The following NSUN6 variants were observed in gnomAD, a reference collection of about 807,000 sequenced individuals.
NSUN6 encodes the protein tRNA (cytosine(72)-C(5))-methyltransferase NSUN6.
Under a neutral mutation model 58.0 loss-of-function variants are expected in NSUN6, and 64 were observed. The ratio of observed to expected loss-of-function variants is 1.10; its 90% CI spans 0.90 to 1.36. The LOEUF (loss-of-function observed/expected upper bound fraction) is 1.36, where lower values mean the gene tolerates loss of function less well. NSUN6 is among the 40% of genes most tolerant of loss of function. The pLI is 0.00. For synonymous variants in NSUN6, 231 were observed against 193.9 expected, an observed-to-expected ratio of 1.19 and a Z score of -1.59; for missense variants, 701 against 550.1, an observed-to-expected ratio of 1.27 and a Z score of -2.74.
chr10:18,650,486 A>G (rs1038295353), intron 1 of NSUN6, among the ~76,000 whole-genome samples: 4 of 152,244 alleles, frequency 2.6e-5, no homozygotes, highest in African/African-American at 4.8e-5. Context: ...TTCACAGAAG[A>G]GAAAAATCTA....
chr10:18,601,255 T>C (rs574027929), intron 6 of NSUN6, among the ~76,000 whole-genome samples: 2 of 152,104 alleles, frequency 1.3e-5, no homozygotes, highest in East Asian at 3.9e-4. Flanking sequence ...ATGCAGCTCA[T>C]GATTTGAGTA....
Position 18,642,514 on chromosome 10 carries a change from G to T in NSUN6, c.273C>A (p.Asp91Glu). 6.4e-7 allele frequency: 1 copy of T among 1,562,052 alleles called. No individual in the cohort carries two copies. Among genetic ancestry groups the T allele is most frequent in the Non-Finnish European group, 8.8e-7 (1 of 1,133,496 alleles). ...CAGGAATAAGTAACACATCTTGAAG[G>T]TCTGGATGTTGAAGAATAGGAACAC... ...GLSVPILQHP[D>E]LQDVLLIPVI... Residue 91 changes from aspartate (D) to glutamate (E), a missense_variant, in exon 3 of 11, where the codon GAC (aspartate) becomes GAA (glutamate). Physicochemically the swap from Asp to Glu is conservative, Grantham distance 45 (BLOSUM62 2). Coordinates refer to ENST00000377304, the MANE Select transcript of NSUN6 (RefSeq NM_182543.5).
Position 18,600,978 on chromosome 10 carries a change from GTA to G in NSUN6, c.658-4653_658-4652del, listed in dbSNP as rs56983139. On this transcript the variant is annotated intron_variant, in intron 6 of 10. Coordinates refer to ENST00000377304, the MANE Select transcript of NSUN6 (RefSeq NM_182543.5). ...TATATATACATATATATATATATAT[GTA>G]TATATATATATATTATATACTAGCT... 1.0e-4 allele frequency among the ~76,000 whole-genome samples: 8 copies of G among 76,994 alleles called. 1 individual carries two copies. The highest frequency in any genetic ancestry group is 1.3e-4 in the Non-Finnish European group (5 of 39,352). 50.5% of individuals were successfully genotyped at this position (76,994 alleles called of 152,430 possible). A position where few individuals can be genotyped will look rare whatever the true frequency, so the allele number is the denominator to read the frequency against.
At chr10:18,577,270 C>T (rs1235526350) in intron 8 of NSUN6, among the ~76,000 whole-genome samples, 1 of 152,182 alleles carries the variant, frequency 6.6e-6, no homozygotes, top group Non-Finnish European at 1.5e-5. Context: ...ACCACCGCCC[C>T]TGATGGAAAT....
chr10:18,632,622 A>C (rs375943982), intron 3 of NSUN6, among the ~76,000 whole-genome samples: 7 of 152,220 alleles, frequency 4.6e-5, no homozygotes, highest in Non-Finnish European at 1.0e-4. Flanking sequence ...TCTCAAAAGA[A>C]GACATTTATG....
At chr10:18,565,575 AT>A (rs1432401612) in intron 8 of NSUN6, among the ~76,000 whole-genome samples, 4 of 148,388 alleles carry the variant, frequency 2.7e-5, no homozygotes, top group Non-Finnish European at 6.0e-5. Flanking sequence ...TCCATTCTCC[AT>A]TCCATTCAGC....
chr10:18,656,911 T>G (rs1367712441), upstream of NSUN6, among the ~76,000 whole-genome samples: 2 of 149,084 alleles, frequency 1.3e-5, no homozygotes, highest in South Asian at 2.1e-4. Flanking sequence ...ACTGCAGTCT[T>G]GACCTCCTTG....
chr10:18,554,695 A>T (rs558971248), intron 8 of NSUN6, among the ~76,000 whole-genome samples: 13 of 151,610 alleles, frequency 8.6e-5, no homozygotes, highest in African/African-American at 2.7e-4. Flanking sequence ...TGCTGAATGG[A>T]ATGCAGAATG....
chr10:18,611,218 A>T (rs12778992), intron 5 of NSUN6, among the ~76,000 whole-genome samples: 32,784 of 151,946 alleles, frequency 0.22, 3,885 homozygotes, highest in South Asian at 0.35. Flanking sequence ...AATTTTTTTT[A>T]AAAATCATAA....
chr10:18,567,424 TCATTCCATGCTCCATTC>T (rs1187262482), intron 8 of NSUN6, among the ~76,000 whole-genome samples: 188 of 146,766 alleles, frequency 1.3e-3, no homozygotes, highest in Middle Eastern at 7.4e-3. Flanking sequence ...ATGCTCCATT[TCATTCCATGCTCCATTC>T]CATTCCATGC....
chr10:18,603,105 C>G (rs1357489809), intron 6 of NSUN6, among the ~76,000 whole-genome samples: 1 of 152,068 alleles, frequency 6.6e-6, no homozygotes, highest in Non-Finnish European at 1.5e-5. Flanking sequence ...CCAGCCTGGC[C>G]AACATGGCAA....
intron 3 of NSUN6, among the ~76,000 whole-genome samples, chr10:18,627,814 G>C (rs190501637): frequency 4.6e-5 from 7 of 152,256 alleles, no homozygotes; most frequent in African/African-American, 1.7e-4. Flanking sequence ...ACTGTAAGGC[G>C]GCAGCCAGGC....
chr10:18,552,410 G>A (rs540258031), intron 8 of NSUN6, among the ~76,000 whole-genome samples: 1 of 152,168 alleles, frequency 6.6e-6, no homozygotes, highest in Admixed American at 6.6e-5. Context: ...TTGTTTCTGT[G>A]GCCATGAGAA....
chr10:18,629,298 T>C (rs548056562), intron 3 of NSUN6, among the ~76,000 whole-genome samples: 1 of 152,026 alleles, frequency 6.6e-6, no homozygotes, highest in East Asian at 1.9e-4. Flanking sequence ...CACTGCAAAA[T>C]CATGCCAAAA....
At chr10:18,556,758 G>T (rs1379453207) in intron 8 of NSUN6, among the ~76,000 whole-genome samples, 2 of 151,172 alleles carry the variant, frequency 1.3e-5, no homozygotes, top group African/African-American at 4.8e-5. Flanking sequence ...GATTTGGTAT[G>T]GAATGAAGAA....
chr10:18,635,583 TC>T (rs1179454226), intron 3 of NSUN6, among the ~76,000 whole-genome samples: 1 of 152,124 alleles, frequency 6.6e-6, no homozygotes, highest in Non-Finnish European at 1.5e-5. Flanking sequence ...ACATTTGTAA[TC>T]CCAGTACTTT....
At chr10:18,652,640 A>G, upstream of NSUN6, 2 of 826,136 alleles carry the variant, frequency 2.4e-6, no homozygotes, top group Non-Finnish European at 2.9e-6. Context: ...GACTCACTGC[A>G]ACCTCCACCT....
chr10:18,622,185 A>G (rs12769425), intron 3 of NSUN6, among the ~76,000 whole-genome samples: 1 of 152,006 alleles, frequency 6.6e-6, no homozygotes, highest in Non-Finnish European at 1.5e-5. Flanking sequence ...TTCAGGGGTA[A>G]TTAGTTATGA....
At chr10:18,632,668 C>G (rs1442763413) in intron 3 of NSUN6, among the ~76,000 whole-genome samples, 2 of 152,204 alleles carry the variant, frequency 1.3e-5, no homozygotes, top group African/African-American at 4.8e-5. Flanking sequence ...CTCACCATCA[C>G]TGGCCATCAG....
Sources: gnomAD v4.1 joint callset for allele counts (sites outside exome capture counted in the v4.1 genomes callset) on GRCh38, gnomAD v4.1.1 for gene constraint, MANE v1.5 for transcripts, NCBI Gene and HGNC (gene_info 2026-07-23, HGNC 2026-07-21) for gene names.